PALB2: variants seen among roughly 807,000 people sequenced by gnomAD.
PALB2 encodes mutant partner and localizer of BRCA2.
Under a neutral mutation model 107.4 loss-of-function variants are expected in PALB2, and 82 were observed. The observed-to-expected ratio is 0.76, with a 90% CI of 0.64 to 0.92. PALB2 has a LOEUF of 0.92. Among genes scored for constraint, PALB2 ranks in the 40% least tolerant of loss-of-function variants. The probability of loss-of-function intolerance (pLI) is 0.00; values close to 1 mark genes in which losing one functional copy is unlikely to be tolerated. For missense variants in PALB2, 1,374 were observed against 1,379.9 expected (o/e 1.00, Z 0.07); for synonymous variants, 489 against 496.8 (o/e 0.98, Z 0.21).
chr16:23,639,330 C>T (rs1967144315), intron 1 of PALB2, among the ~76,000 whole-genome samples: 1 of 151,838 alleles, frequency 6.6e-6, no homozygotes, highest in African/African-American at 2.4e-5. Context: ...GTCAAGAGTT[C>T]GAGACCCGCC....
rs1966767854 is a variant in PALB2, at chr16:23,621,366, T to C, written c.3109A>G (p.Ile1037Val). 1 of 1,606,184 alleles carries C rather than the reference T, an allele frequency of 6.2e-7. No homozygotes were observed. The highest frequency in any genetic ancestry group is 2.2e-5 in the East Asian group (1 of 44,818). Residue 1037 changes from isoleucine (I) to valine (V), a missense_variant, in exon 10 of 13, where the codon ATT becomes GTT. By Grantham distance (29) the Ile-to-Val change is conservative. Coordinates refer to ENST00000261584, the MANE Select transcript of PALB2 (RefSeq NM_024675.4). Reference protein sequence around the residue: ...LGTTIMNNIVIWNLKTGQLLK... With the variant: ...LGTTIMNNIVVWNLKTGQLLK... Reference sequence around the variant, plus strand: ...GGACCTAGAGGGAAAGCTTACCAAATAACAATGTTGTTCATAATAGTAGTA... The same window carrying C: ...GGACCTAGAGGGAAAGCTTACCAAACAACAATGTTGTTCATAATAGTAGTA...
At chr16:23,629,415 C>A in intron 5 of PALB2, 140 bp from the exon 6 acceptor site, 1 of 917,110 alleles carries the variant, frequency 1.1e-6, no homozygotes, top group Non-Finnish European at 1.7e-6. Flanking sequence ...CAAACTGTTT[C>A]ACTGATAACA....
At chr16:23,617,545 C>T (rs970875692) in intron 10 of PALB2, 17 of 150,266 alleles carry the variant, frequency 1.1e-4, no homozygotes, top group African/African-American at 4.2e-4. Flanking sequence ...CATGGGAAGA[C>T]CCTGTCTCTA....
Position 23,623,147 on chromosome 16 carries a change from GA to G in PALB2, c.2835-18del. On this transcript the variant is annotated intron_variant, in intron 8 of 12. Transcript: ENST00000261584. ...AACAATGCCCTAAGCCAAATATAAG[GA>G]AAAATGGGGTGATGTGAGGAGTAAC... 1.2e-6 allele frequency: 2 copies of G among 1,606,522 alleles called. No individual in the cohort carries two copies. Among genetic ancestry groups the G allele is most frequent in the Non-Finnish European group, 1.7e-6 (2 of 1,174,950 alleles).
chr16:23,628,794 C>A (rs537429230), intron 6 of PALB2, among the ~76,000 whole-genome samples: 6 of 152,082 alleles, frequency 3.9e-5, no homozygotes, highest in Admixed American at 6.6e-5. Flanking sequence ...CCACCACGCC[C>A]GGCTAATTTT....
At chr16:23,604,072 C>A (rs1265526266) in intron 12 of PALB2, among the ~76,000 whole-genome samples, 1 of 152,212 alleles carries the variant, frequency 6.6e-6, no homozygotes, top group African/African-American at 2.4e-5. Context: ...AGAAAGGTCA[C>A]CCCTAATCCT....
chr16:23,629,111 A>T, intron 6 of PALB2, 93 bp downstream of exon 6: 1 of 979,252 alleles, frequency 1.0e-6, no homozygotes, highest in Non-Finnish European at 1.6e-6. Context: ...TAATAGTATT[A>T]AAGAACAAGA....
At chr16:23,604,014 T>C (rs1284609892) in intron 12 of PALB2, among the ~76,000 whole-genome samples, 1 of 152,188 alleles carries the variant, frequency 6.6e-6, no homozygotes, top group South Asian at 2.1e-4. Flanking sequence ...TCACCCCAGC[T>C]CTTAGCATGG....
chr16:23,639,480 T>G (rs1482595917), intron 1 of PALB2, among the ~76,000 whole-genome samples: 2 of 130,678 alleles, frequency 1.5e-5, no homozygotes, highest in Admixed American at 8.8e-5. Context: ...ATCACGCCAC[T>G]GCACTCCAGC....
rs1489420342 is a variant in PALB2 at position 23,617,577 on chromosome 16, A to AG, written c.3114-3487_3114-3486insC. The AG allele has an allele frequency of 2.1e-5, 3 of 145,882 alleles. No homozygotes were observed. In the East Asian group the frequency reaches 6.0e-4, roughly 29 times the overall value. 9.0% of individuals were successfully genotyped at this position (145,882 alleles called of 1,614,324 possible). ...TCTACAAAAAAAAATTAAAAAAAAA[A>AG]AAATTTTTTTTTTTTTAATTAGTCA... On this transcript the variant is annotated intron_variant, in intron 10 of 12. Transcript: ENST00000261584.
rs1363812475 is a variant in PALB2 at position 23,607,972 on chromosome 16, T to C, written c.3242A>G (p.Glu1081Gly). The change falls in exon 12 of 13, where the codon GAG (glutamate) becomes GGG (glycine). Residue 1081 changes from glutamate (E) to glycine (G), a missense_variant. Transcript: ENST00000261584. ...FIVLSHPCAKESESLRSPVFQ... is the reference protein window; with the variant it reads ...FIVLSHPCAKGSESLRSPVFQ... Reference sequence around the variant, plus strand: ...CACAGGGCTTCGCAACGACTCACTCTCTTTGGCACAGGGATGACTCAGGAC... The same window carrying C: ...CACAGGGCTTCGCAACGACTCACTCCCTTTGGCACAGGGATGACTCAGGAC... 6.2e-7 allele frequency: 1 copy of C among 1,614,112 alleles called. No homozygotes were observed. The highest frequency in any genetic ancestry group is 1.7e-5 in the Admixed American group (1 of 60,002).
intron 4 of PALB2, among the ~76,000 whole-genome samples, chr16:23,630,899 C>G (rs936305960): frequency 6.6e-6 from 1 of 151,810 alleles, no homozygotes; most frequent in African/African-American, 2.4e-5. Flanking sequence ...TGCTTGAGCC[C>G]AGGAGTTCCA....
At chr16:23,604,626 C>T (rs191634809) in intron 12 of PALB2, among the ~76,000 whole-genome samples, 14 of 151,830 alleles carry the variant, frequency 9.2e-5, no homozygotes, top group East Asian at 3.9e-4. Context: ...ATTAGCCAGG[C>T]GTGGTGGCAC....
intron 1 of PALB2, among the ~76,000 whole-genome samples, chr16:23,639,061 GT>G (rs1416657183): frequency 6.6e-6 from 1 of 152,136 alleles, no homozygotes; most frequent in Non-Finnish European, 1.5e-5. Flanking sequence ...TCAAATTACT[GT>G]TCTCTGAAAG....
intron 11 of PALB2, among the ~76,000 whole-genome samples, chr16:23,608,603 G>C (rs762084325): frequency 6.6e-6 from 1 of 151,996 alleles, no homozygotes; most frequent in Non-Finnish European, 1.5e-5. Context: ...AAACAATCTT[G>C]TACATGGTGG....
chr16:23,637,952 G>A lies in PALB2; in HGVS notation c.109C>T (p.Arg37Cys), dbSNP rs200048921. The A allele has an allele frequency of 5.0e-6, 8 of 1,612,854 alleles. No individual in the cohort carries two copies. Among genetic ancestry groups the A allele is most frequent in the East Asian group, 2.2e-5 (1 of 44,870 alleles). Residue 37 changes from arginine to cysteine, a missense_variant and splice_region_variant, in exon 3 of 13, where the codon CGT (arginine) becomes TGT (cysteine). Coordinates refer to ENST00000261584, the MANE Select transcript of PALB2 (RefSeq NM_024675.4). ...TTAATCTTTTCAGCTCTTTGGGCAC[G>A]CTAGAGGAGACAAAAACAGCCCCAG... Reference protein sequence around the residue: ...EYSKTLARLQRAQRAEKIKHS... With the variant: ...EYSKTLARLQCAQRAEKIKHS...
chr16:23,639,905 A>G (rs1455905705), intron 1 of PALB2, among the ~76,000 whole-genome samples: 2 of 152,012 alleles, frequency 1.3e-5, no homozygotes, highest in Admixed American at 1.3e-4. Context: ...TTTTTGAGAG[A>G]CAGTCTCACT....
chr16:23,625,438 G>C (rs1245521456), intron 7 of PALB2, among the ~76,000 whole-genome samples: 1 of 152,118 alleles, frequency 6.6e-6, no homozygotes, highest in Admixed American at 6.5e-5. Context: ...GGCTGAGGCA[G>C]GCGGATGGCT....
At chr16:23,614,871 T>C (rs534491726) in intron 10 of PALB2, among the ~76,000 whole-genome samples, 4,698 of 149,630 alleles carry the variant, frequency 0.031, 100 homozygotes, top group Middle Eastern at 0.077. Context: ...GGGATGGTCT[T>C]GATCTCCTGA....
Sources: gnomAD v4.1 joint callset for allele counts (sites outside exome capture counted in the v4.1 genomes callset) on GRCh38, gnomAD v4.1.1 for gene constraint, MANE v1.5 for transcripts, NCBI Gene and HGNC (gene_info 2026-07-23, HGNC 2026-07-21) for gene names.